CFAP299: variants seen among roughly 807,000 people sequenced by gnomAD.
CFAP299 encodes the protein cilia- and flagella-associated protein 299.
A neutral mutation model predicts 27.0 loss-of-function variants in CFAP299; 21 were observed. The observed-to-expected ratio is 0.78, with a 90% CI of 0.55 to 1.12. CFAP299 has a LOEUF of 1.12. Among genes scored for constraint, CFAP299 ranks in the 50% most tolerant of loss-of-function variants. The pLI is 0.00. For missense variants in CFAP299, 310 were observed against 276.6 expected (o/e 1.12, Z -0.86); for synonymous variants, 104 against 98.1 (o/e 1.06, Z -0.36).
chr4:80,609,669 A>G (rs538208260), intron 3 of CFAP299, among the ~76,000 whole-genome samples: 1 of 152,132 alleles, frequency 6.6e-6, no homozygotes, highest in Non-Finnish European at 1.5e-5. Flanking sequence ...AATGTGTACC[A>G]CTTTTCCTAT....
At position 80,711,031 on chromosome 4, in the gene CFAP299, C is replaced by T. The variant is rs566415937; in HGVS notation, c.333+127848C>T. ...CCCATGTAGCCATAACATGGGAAGGCTCATCATTTGGCACTAAGCCTCTGT... is the reference window on the plus strand; with the variant it reads ...CCCATGTAGCCATAACATGGGAAGGTTCATCATTTGGCACTAAGCCTCTGT... On this transcript the variant is annotated intron_variant, in intron 3 of 5. Coordinates refer to ENST00000358105, the MANE Select transcript of CFAP299 (RefSeq NM_152770.3). Among the ~76,000 whole-genome samples the T allele has an allele frequency of 3.9e-5, 6 of 152,286 alleles. No homozygotes were observed. The South Asian group carries it at 1.2e-3, about 32-fold the overall frequency.
chr4:80,516,076 A>C (rs1417268445), intron 2 of CFAP299, among the ~76,000 whole-genome samples: 1 of 141,876 alleles, frequency 7.0e-6, no homozygotes, highest in Non-Finnish European at 1.5e-5. Flanking sequence ...GATGGAGTGC[A>C]GTGGCGTGAT....
chr4:80,815,679 A>G (rs1289004919), intron 3 of CFAP299, among the ~76,000 whole-genome samples: 1 of 152,012 alleles, frequency 6.6e-6, no homozygotes, highest in Non-Finnish European at 1.5e-5. Context: ...AATTTGTTAT[A>G]AGCATATTGT....
intron 2 of CFAP299, among the ~76,000 whole-genome samples, chr4:80,496,413 T>A (rs1157285627): frequency 6.6e-6 from 1 of 152,330 alleles, no homozygotes; most frequent in Middle Eastern, 3.4e-3. Flanking sequence ...CCAGGGTCTT[T>A]GCTAAGGCAT....
At chr4:80,744,153 G>A (rs189087470) in intron 3 of CFAP299, among the ~76,000 whole-genome samples, 22 of 152,248 alleles carry the variant, frequency 1.4e-4, no homozygotes, top group Middle Eastern at 3.4e-3. Context: ...AAAGAGAAAA[G>A]GGTAGGAAAA....
intron 2 of CFAP299, among the ~76,000 whole-genome samples, chr4:80,431,548 C>T (rs1051581389): frequency 1.3e-5 from 2 of 151,916 alleles, no homozygotes; most frequent in Non-Finnish European, 2.9e-5. Flanking sequence ...TCTTTCCCTT[C>T]CCCTTCTCCT....
chr4:80,905,276 T>C (rs182243905), intron 4 of CFAP299, among the ~76,000 whole-genome samples: 1 of 152,306 alleles, frequency 6.6e-6, no homozygotes, highest in East Asian at 1.9e-4. Flanking sequence ...AAGTTAATGG[T>C]CAATATGTTT....
At chr4:80,370,344 G>T (rs1724074811) in intron 2 of CFAP299, among the ~76,000 whole-genome samples, 1 of 152,060 alleles carries the variant, frequency 6.6e-6, no homozygotes. Flanking sequence ...ATATTATTCT[G>T]TCCCTGGGCT....
chr4:80,692,927 C>G (rs202107744), intron 3 of CFAP299, among the ~76,000 whole-genome samples: 3,144 of 152,070 alleles, frequency 0.021, 60 homozygotes, highest in East Asian at 0.081. Flanking sequence ...ATTTATGCAG[C>G]CAAAAAACAC....
At chr4:80,329,933 C>T in the CFAP299 span, among the ~76,000 whole-genome samples, 2 of 152,106 alleles carry the variant, frequency 1.3e-5, no homozygotes, top group Non-Finnish European at 2.9e-5. Flanking sequence ...AACGATGTCT[C>T]CTTTTATTTT....
intron 1 of CFAP299, among the ~76,000 whole-genome samples, chr4:80,356,700 T>C (rs950414527): frequency 6.6e-6 from 1 of 152,170 alleles, no homozygotes; most frequent in Non-Finnish European, 1.5e-5. Context: ...CCTGAGACTT[T>C]GCTGGAGTTG....
intron 2 of CFAP299, among the ~76,000 whole-genome samples, chr4:80,448,873 G>A (rs1728765154): frequency 6.6e-6 from 1 of 152,162 alleles, no homozygotes; most frequent in Non-Finnish European, 1.5e-5. Flanking sequence ...CTAAATGAAA[G>A]TGCTTGGTGC....
intron 3 of CFAP299, among the ~76,000 whole-genome samples, chr4:80,624,453 A>G (rs1192871417): frequency 6.6e-6 from 1 of 151,812 alleles, no homozygotes; most frequent in African/African-American, 2.4e-5. Context: ...GAGGAGAAAA[A>G]AAGAAATATA....
intron 3 of CFAP299, among the ~76,000 whole-genome samples, chr4:80,857,304 G>A (rs1042014200): frequency 1.3e-5 from 2 of 152,172 alleles, no homozygotes; most frequent in South Asian, 2.1e-4. Context: ...GAGATTTTGG[G>A]CTGAGACAAT....
intron 3 of CFAP299, among the ~76,000 whole-genome samples, chr4:80,694,423 G>A (rs1187189921): frequency 6.6e-6 from 1 of 152,192 alleles, no homozygotes. Flanking sequence ...TGTTTTCTCA[G>A]TAAGAAAGAA....
At chr4:80,517,543 G>A (rs1732645573) in intron 2 of CFAP299, among the ~76,000 whole-genome samples, 4 of 152,162 alleles carry the variant, frequency 2.6e-5, no homozygotes, top group Admixed American at 6.5e-5. Flanking sequence ...GTTGTGTAAT[G>A]TTAAGGTTAT....
chr4:80,397,791 C>G (rs1725891255), intron 2 of CFAP299, among the ~76,000 whole-genome samples: 1 of 152,190 alleles, frequency 6.6e-6, no homozygotes, highest in Non-Finnish European at 1.5e-5. Flanking sequence ...CAGGGATGCC[C>G]TTTCTCACCA....
rs1266245476 is a variant in CFAP299, at chr4:80,800,322, A to G, written c.334-69671A>G. Among the ~76,000 whole-genome samples the G allele has an allele frequency of 6.2e-4, 44 of 71,076 alleles. 1 individual carries two copies. Among genetic ancestry groups the G allele is most frequent in the East Asian group, 1.4e-3 (3 of 2,082 alleles). The allele number at this position is 71,076 out of a possible 152,430, so 46.6% of individuals were successfully genotyped here. ...ATATAATATATAAGATATATGATAC[A>G]TTAATATTAATATATATAATATATA... On this transcript the variant is annotated intron_variant, in intron 3 of 5. Transcript: ENST00000358105.
intron 2 of CFAP299, among the ~76,000 whole-genome samples, chr4:80,363,856 AG>A: frequency 6.6e-6 from 1 of 152,224 alleles, no homozygotes. Flanking sequence ...TGGGAGGCAG[AG>A]GCGGGCAGAT....
Sources: gnomAD v4.1 joint callset for allele counts (sites outside exome capture counted in the v4.1 genomes callset) on GRCh38, gnomAD v4.1.1 for gene constraint, MANE v1.5 for transcripts, NCBI Gene and HGNC (gene_info 2026-07-23, HGNC 2026-07-21) for gene names.